THADA: variants seen among roughly 807,000 people sequenced by gnomAD.
THADA encodes the protein THADA armadillo repeat containing.
THADA carries 213 observed loss-of-function variants against 219.8 expected under a neutral mutation model. That is an observed-to-expected ratio of 0.97 (90% confidence interval 0.87 to 1.09). The LOEUF (loss-of-function observed/expected upper bound fraction) is 1.09. THADA is among the 50% of genes least tolerant of loss of function. THADA has a pLI of 0.00. For synonymous variants in THADA, 1,018 were observed against 828.9 expected (o/e 1.23, Z -3.92); for missense variants, 2,956 against 2,311.3 (o/e 1.28, Z -5.72).
At chr2:43,343,344 G>A (rs1467295328) in intron 30 of THADA, 2 of 152,078 alleles carry the variant, frequency 1.3e-5, no homozygotes, top group South Asian at 4.2e-4. Context: ...CCAATAAACT[G>A]ACTCTTAATT....
chr2:43,472,556 C>T (rs530608558), intron 26 of THADA, among the ~76,000 whole-genome samples: 1 of 152,176 alleles, frequency 6.6e-6, no homozygotes, highest in Non-Finnish European at 1.5e-5. Context: ...TGACCTGGTG[C>T]TAGGTTTCTG....
In THADA at chr2:43,253,641, G is replaced by A. The variant is rs1343603657; in HGVS notation, c.5297-20759C>T. Among the ~76,000 whole-genome samples, 3 of 152,034 alleles carry A rather than the reference G, an allele frequency of 2.0e-5. No individual in the cohort carries two copies. In the East Asian group the frequency reaches 5.8e-4, roughly 29 times the overall value. On this transcript the variant is annotated intron_variant, in intron 36 of 37. Coordinates refer to ENST00000405975, the MANE Select transcript of THADA (RefSeq NM_022065.5). ...CCTTTGCTAGCTCCCCTTCCAAACT[G>A]CTACGATGGCCTAAAAATGCTGCCC...
chr2:43,359,638 C>T (rs1489230692), intron 29 of THADA, among the ~76,000 whole-genome samples: 1 of 152,198 alleles, frequency 6.6e-6, no homozygotes, highest in East Asian at 1.9e-4. Flanking sequence ...GAAGATTGCG[C>T]CACTGCACTC....
intron 26 of THADA, among the ~76,000 whole-genome samples, chr2:43,458,914 G>T (rs1224485282): frequency 6.6e-6 from 1 of 151,960 alleles, no homozygotes; most frequent in Admixed American, 6.6e-5. Context: ...AAAATTAAAG[G>T]GTTGATAACT....
intron 28 of THADA, among the ~76,000 whole-genome samples, chr2:43,415,068 C>G (rs1402403934): frequency 6.6e-6 from 1 of 152,176 alleles, no homozygotes; most frequent in Non-Finnish European, 1.5e-5. Context: ...GTTTCGAGTT[C>G]TACATTTTCT....
In THADA at chr2:43,572,912, C is replaced by A. The variant is rs750310364; in HGVS notation, c.1810G>T (p.Ala604Ser). 4 of 1,613,942 alleles carry A rather than the reference C, an allele frequency of 2.5e-6. No individual in the cohort carries two copies. In the African/African-American group the frequency reaches 4.0e-5, roughly 16 times the overall value. ...LGALMACLRIARAHGHLQSAT... is the reference protein window; with the variant it reads ...LGALMACLRISRAHGHLQSAT... ...GACTGAAGATGTCCATGAGCTCTAG[C>A]TATTCGCAGACATGCCATCAAAGCT... Residue 604 changes from alanine (A) to serine (S), a missense_variant, in exon 12 of 38, where the codon GCT (alanine) becomes TCT (serine). Ala to Ser is a moderately conservative substitution (Grantham distance 99, BLOSUM62 1). Coordinates refer to ENST00000405975, the MANE Select transcript of THADA (RefSeq NM_022065.5).
At chr2:43,280,056 T>A (rs993309903) in intron 35 of THADA, among the ~76,000 whole-genome samples, 160 bp from the exon 36 acceptor site, 1 of 152,126 alleles carries the variant, frequency 6.6e-6, no homozygotes, top group African/African-American at 2.4e-5. Flanking sequence ...TAGACAAACA[T>A]TGGCAAAGAC....
chr2:43,345,004 G>A (rs1432724467), intron 29 of THADA, among the ~76,000 whole-genome samples: 1 of 152,238 alleles, frequency 6.6e-6, no homozygotes, highest in East Asian at 1.9e-4. Context: ...GGAGAGAAAT[G>A]CAAGTCAAGA....
At chr2:43,371,167 G>A (rs1486672858) in intron 29 of THADA, among the ~76,000 whole-genome samples, 2 of 152,172 alleles carry the variant, frequency 1.3e-5, no homozygotes, top group African/African-American at 4.8e-5. Flanking sequence ...TTAACCATAA[G>A]CTTCAGTCCT....
intron 28 of THADA, among the ~76,000 whole-genome samples, chr2:43,411,618 A>G (rs1412481197): frequency 3.3e-5 from 5 of 152,208 alleles, no homozygotes; most frequent in African/African-American, 1.2e-4. Flanking sequence ...GACAAACAGA[A>G]GCCAAATCAG....
intron 28 of THADA, among the ~76,000 whole-genome samples, chr2:43,407,617 C>G (rs1422574600): frequency 2.6e-5 from 4 of 151,996 alleles, no homozygotes; most frequent in African/African-American, 9.7e-5. Flanking sequence ...CAACATACAC[C>G]AATTCTATTA....
intron 36 of THADA, among the ~76,000 whole-genome samples, chr2:43,274,041 C>T (rs1334789925): frequency 6.6e-6 from 1 of 152,192 alleles, no homozygotes; most frequent in Non-Finnish European, 1.5e-5. Flanking sequence ...CTCCTACTTC[C>T]CCTCTTCCAC....
chr2:43,339,920 C>G (rs552816143), intron 30 of THADA, among the ~76,000 whole-genome samples: 1 of 151,920 alleles, frequency 6.6e-6, no homozygotes, highest in African/African-American at 2.4e-5. Context: ...ACAGCCAGAC[C>G]TCATCTCTAA....
intron 29 of THADA, among the ~76,000 whole-genome samples, chr2:43,362,202 T>C (rs1331624695): frequency 6.6e-6 from 1 of 152,246 alleles, no homozygotes; most frequent in Non-Finnish European, 1.5e-5. Flanking sequence ...CTTTCCTGTG[T>C]GTATTAGTCT....
At chr2:43,506,351 T>A (rs548892591) in intron 23 of THADA, among the ~76,000 whole-genome samples, 1 of 152,160 alleles carries the variant, frequency 6.6e-6, no homozygotes, top group African/African-American at 2.4e-5. Context: ...TTTGCCGATG[T>A]CCAATAAACA....
chr2:43,510,035 C>T (rs183049724), intron 22 of THADA, among the ~76,000 whole-genome samples: 1 of 152,210 alleles, frequency 6.6e-6, no homozygotes, highest in Admixed American at 6.5e-5. Context: ...TTGCTTAGAT[C>T]TTGATTTGAA....
intron 36 of THADA, among the ~76,000 whole-genome samples, chr2:43,243,735 CA>C (rs1232129753): frequency 1.3e-5 from 2 of 152,216 alleles, no homozygotes; most frequent in Non-Finnish European, 2.9e-5. Context: ...AGGGATACAA[CA>C]CCATCATTTG....
In THADA at chr2:43,291,728, CTT is replaced by C; in HGVS notation, c.4976_4977del (p.Lys1659SerfsTer19). ...CATGTCTGCATGTGGTGGGAAATGA[CTT>C]TGGAAGCAAGTCTCAGAGCTACACT... is the stretch of plus-strand genomic sequence containing the variant. ...IQSVALRLASKVISHHMQTCV... is the reference protein window; with the variant it reads ...IQSVALRLASXVISHHMQTCV... On this transcript the variant is annotated frameshift_variant, in exon 34 of 38. Coordinates refer to ENST00000405975, the MANE Select transcript of THADA (RefSeq NM_022065.5). LOFTEE classifies it high-confidence loss of function. 6.4e-7 allele frequency: 1 copy of C among 1,557,578 alleles called. No homozygotes were observed. Among genetic ancestry groups the C allele is most frequent in the Non-Finnish European group, 8.7e-7 (1 of 1,149,266 alleles).
chr2:43,503,988 T>A (rs1689341456), intron 24 of THADA, among the ~76,000 whole-genome samples: 1 of 152,022 alleles, frequency 6.6e-6, no homozygotes, highest in Non-Finnish European at 1.5e-5. Context: ...CATGACATTC[T>A]AAGGAAATGC....
Sources: gnomAD v4.1 joint callset for allele counts (sites outside exome capture counted in the v4.1 genomes callset) on GRCh38, gnomAD v4.1.1 for gene constraint, MANE v1.5 for transcripts, NCBI Gene and HGNC (gene_info 2026-07-23, HGNC 2026-07-21) for gene names.